Variants in RAPGEF2 observed in about 807,000 individuals in gnomAD.
RAPGEF2 encodes the protein PDZ domain containing guanine nucleotide exchange factor (GEF) 1.
In RAPGEF2, 54 loss-of-function variants were observed where a neutral mutation model predicts 186.7. The observed-to-expected ratio is 0.29, with a 90% confidence interval of 0.23 to 0.36. RAPGEF2 has a LOEUF of 0.36. Among genes scored for constraint, RAPGEF2 ranks in the 10% least tolerant of loss-of-function variants. The pLI, the probability that RAPGEF2 is intolerant of heterozygous loss-of-function variation, is 1.00. For missense variants in RAPGEF2, 1,532 were observed against 2,045.0 expected, an observed-to-expected ratio of 0.75 and a Z score of 4.84; for synonymous variants, 712 against 705.9, an observed-to-expected ratio of 1.01 and a Z score of -0.14.
intron 1 of RAPGEF2, among the ~76,000 whole-genome samples, chr4:159,164,688 A>G (rs1009935475): frequency 6.6e-5 from 10 of 152,170 alleles, no homozygotes; most frequent in Non-Finnish European, 1.2e-4. Context: ...GTACAATGCA[A>G]TGGTTTAAAT....
In RAPGEF2 at chr4:159,357,826, G is replaced by A. The variant is rs141362761; in HGVS notation, c.4958-288G>A. ...CGTATATTTTTTTTAAATGGCACAT[G>A]CTATTTTACAACTTTTTAAAATGAA... On this transcript the variant is annotated intron_variant, in intron 29 of 29. Transcript: ENST00000691494. 2.7e-3 allele frequency among the ~76,000 whole-genome samples: 406 copies of A among 152,172 alleles called. 1 individual carries two copies. The highest frequency in any genetic ancestry group is 8.4e-3 in the African/African-American group (350 of 41,512).
intron 1 of RAPGEF2, among the ~76,000 whole-genome samples, chr4:159,163,849 G>A (rs2111226543): frequency 6.6e-6 from 1 of 152,318 alleles, no homozygotes; most frequent in East Asian, 1.9e-4. Context: ...AATCACATCA[G>A]GGGTCTGTCT....
At chr4:159,204,921 G>A (rs565810068) in intron 3 of RAPGEF2, among the ~76,000 whole-genome samples, 1 of 152,230 alleles carries the variant, frequency 6.6e-6, no homozygotes, top group South Asian at 2.1e-4. Context: ...GTAGTGTCAG[G>A]TTATTTGGAA....
At chr4:159,132,482 A>G (rs751648644) in intron 1 of RAPGEF2, among the ~76,000 whole-genome samples, 7 of 152,202 alleles carry the variant, frequency 4.6e-5, no homozygotes, top group African/African-American at 7.2e-5. Flanking sequence ...TGGTCCTTAC[A>G]AGACATAGAA....
intron 7 of RAPGEF2, among the ~76,000 whole-genome samples, chr4:159,252,067 A>G (rs547533538): frequency 6.6e-6 from 1 of 152,222 alleles, no homozygotes; most frequent in South Asian, 2.1e-4. Flanking sequence ...TAAGAACTGT[A>G]ACATTCACCG....
intron 1 of RAPGEF2, among the ~76,000 whole-genome samples, chr4:159,174,222 C>T (rs911135517): frequency 2.0e-4 from 31 of 152,244 alleles, no homozygotes; most frequent in African/African-American, 7.2e-4. Context: ...GCATAGTATG[C>T]ATTTTAGGTT....
chr4:159,213,747 A>G (rs989619661), intron 4 of RAPGEF2, among the ~76,000 whole-genome samples: 2 of 152,160 alleles, frequency 1.3e-5, no homozygotes, highest in Non-Finnish European at 2.9e-5. Flanking sequence ...TTGTTTGAAC[A>G]TGAGTATTGT....
chr4:159,354,747 A>C (rs1461993940), intron 28 of RAPGEF2, among the ~76,000 whole-genome samples: 2 of 152,214 alleles, frequency 1.3e-5, no homozygotes, highest in Non-Finnish European at 2.9e-5. Context: ...AATTTATGCA[A>C]AGTATTTAGA....
chr4:159,239,736 A>AT lies in RAPGEF2; in HGVS notation c.357+854dup, dbSNP rs1446849769. Among the ~76,000 whole-genome samples, 4 of 152,210 alleles carry AT rather than the reference A, an allele frequency of 2.6e-5. 1 individual carries two copies. Among genetic ancestry groups the AT allele is most frequent in the South Asian group, 4.1e-4 (2 of 4,834 alleles). ...GGAAGGGGAGTTTCCCAGCCTAGAC[A>AT]TTCAGTTGATATTCTTACTGTCTCC... On this transcript the variant is annotated intron_variant, in intron 5 of 29. Transcript: ENST00000691494.
At chr4:159,255,312 T>C (rs1217877837) in intron 7 of RAPGEF2, among the ~76,000 whole-genome samples, 1 of 152,152 alleles carries the variant, frequency 6.6e-6, no homozygotes, top group African/African-American at 2.4e-5. Flanking sequence ...CCTTACCTTA[T>C]TTCTAGAATT....
intron 7 of RAPGEF2, chr4:159,267,291 G>A (rs1297024712): frequency 3.1e-6 from 4 of 1,289,256 alleles, no homozygotes; most frequent in Non-Finnish European, 3.0e-6. Context: ...CCAACTGCCT[G>A]CAGCCATGGT....
At chr4:159,304,269 T>C in intron 7 of RAPGEF2, 73 bp from the exon 8 acceptor site, 2 of 1,376,318 alleles carry the variant, frequency 1.5e-6, no homozygotes, top group Non-Finnish European at 2.0e-6. Flanking sequence ...AAATATGATA[T>C]TTTAATTTTA....
At chr4:159,342,076 T>G in intron 20 of RAPGEF2, 129 bp downstream of exon 20, 1 of 931,926 alleles carries the variant, frequency 1.1e-6, no homozygotes, top group Non-Finnish European at 1.5e-6. Flanking sequence ...ACAATTCTTT[T>G]TCTCTGAATC....
At chr4:159,232,048 A>C (rs1235203606) in intron 4 of RAPGEF2, among the ~76,000 whole-genome samples, 1 of 152,176 alleles carries the variant, frequency 6.6e-6, no homozygotes, top group Non-Finnish European at 1.5e-5. Flanking sequence ...TTCAAGTCCC[A>C]GATTTTTGCC....
chr4:159,158,046 G>A (rs1407965788), intron 1 of RAPGEF2, among the ~76,000 whole-genome samples: 1 of 151,950 alleles, frequency 6.6e-6, no homozygotes, highest in Non-Finnish European at 1.5e-5. Context: ...TAAAATACTT[G>A]TTTTATTTGA....
At chr4:159,264,812 C>CTA (rs1229662866) in intron 7 of RAPGEF2, among the ~76,000 whole-genome samples, 1 of 152,108 alleles carries the variant, frequency 6.6e-6, no homozygotes, top group East Asian at 1.9e-4. Flanking sequence ...GTGAATTTGA[C>CTA]TATTTGACTA....
chr4:159,266,263 A>C (rs1276559174), intron 7 of RAPGEF2, among the ~76,000 whole-genome samples: 1 of 152,104 alleles, frequency 6.6e-6, no homozygotes, highest in South Asian at 2.1e-4. Flanking sequence ...GAGGAGAAAG[A>C]AGGAAAGAGA....
intron 7 of RAPGEF2, among the ~76,000 whole-genome samples, chr4:159,265,805 G>A (rs947489069): frequency 6.6e-6 from 1 of 151,926 alleles, no homozygotes; most frequent in African/African-American, 2.4e-5. Flanking sequence ...GATTGGAGTG[G>A]GATGATAACA....
At chr4:159,294,808 G>T (rs1253953685) in intron 7 of RAPGEF2, among the ~76,000 whole-genome samples, 2 of 151,842 alleles carry the variant, frequency 1.3e-5, no homozygotes, top group South Asian at 4.1e-4. Flanking sequence ...AGCTATTCTC[G>T]TGCCTCAGCC....
Sources: gnomAD v4.1 joint callset for allele counts (sites outside exome capture counted in the v4.1 genomes callset) on GRCh38, gnomAD v4.1.1 for gene constraint, MANE v1.5 for transcripts, NCBI Gene and HGNC (gene_info 2026-07-23, HGNC 2026-07-21) for gene names.